The following PRKN variants were observed in gnomAD, a reference collection of about 807,000 sequenced individuals.
The protein encoded by PRKN is parkin RBR E3 ubiquitin protein ligase, also known as E3 ubiquitin-protein ligase parkin.
PRKN carries 56 observed loss-of-function variants against 59.5 expected under a neutral mutation model. The ratio of observed to expected loss-of-function variants is 0.94; its 90% CI spans 0.76 to 1.18. The LOEUF is 1.18. PRKN is among the 50% of genes most tolerant of loss of function. The pLI, the probability that PRKN is intolerant of heterozygous loss-of-function variation, is 0.00. For synonymous variants in PRKN, 250 were observed against 222.1 expected (o/e 1.13, Z -1.12); for missense variants, 657 against 596.4 (o/e 1.10, Z -1.06).
At chr6:162,236,928 A>C (rs1778756211) in intron 3 of PRKN, among the ~76,000 whole-genome samples, 1 of 151,994 alleles carries the variant, frequency 6.6e-6, no homozygotes, top group African/African-American at 2.4e-5. Context: ...GAGAGAAAGA[A>C]GAAAGAAAAG....
chr6:161,797,656 T>C (rs941311363), intron 6 of PRKN, among the ~76,000 whole-genome samples: 3 of 152,216 alleles, frequency 2.0e-5, no homozygotes, highest in Non-Finnish European at 4.4e-5. Flanking sequence ...GAAAAGATTG[T>C]AGACATCTTA....
At chr6:162,325,259 A>G (rs1225050652) in intron 2 of PRKN, among the ~76,000 whole-genome samples, 2 of 152,114 alleles carry the variant, frequency 1.3e-5, no homozygotes, top group Admixed American at 1.3e-4. Context: ...GCTGGTTAAC[A>G]CAAGTTATCG....
At chr6:161,646,160 A>G (rs112012895) in intron 7 of PRKN, among the ~76,000 whole-genome samples, 1 of 56,650 alleles carries the variant, frequency 1.8e-5, no homozygotes, top group East Asian at 4.1e-4. Flanking sequence ...GAGGCGGCGT[A>G]TCAGTGACAG....
intron 1 of PRKN, among the ~76,000 whole-genome samples, chr6:162,525,923 G>A (rs566130254): frequency 5.9e-5 from 9 of 152,136 alleles, no homozygotes; most frequent in Admixed American, 2.6e-4. Flanking sequence ...GTGCAATCAC[G>A]GCCCACTGCA....
At chr6:162,007,709 GA>G (rs200087767) in intron 5 of PRKN, among the ~76,000 whole-genome samples, 11 of 151,776 alleles carry the variant, frequency 7.2e-5, no homozygotes, top group African/African-American at 2.4e-4. Context: ...ATATTGGAAG[GA>G]AAAAAAATAA....
At chr6:161,666,489 A>G (rs576115046) in intron 7 of PRKN, among the ~76,000 whole-genome samples, 4 of 152,286 alleles carry the variant, frequency 2.6e-5, no homozygotes, top group African/African-American at 7.2e-5. Context: ...CCTGGTGCCA[A>G]AAAGGTTAGG....
At chr6:162,451,326 A>G (rs1189925625) in intron 1 of PRKN, among the ~76,000 whole-genome samples, 1 of 151,202 alleles carries the variant, frequency 6.6e-6, no homozygotes, top group Non-Finnish European at 1.5e-5. Flanking sequence ...CTAGGAAACA[A>G]AATTTTAAAG....
intron 7 of PRKN, among the ~76,000 whole-genome samples, chr6:161,668,225 C>A (rs1784789021): frequency 1.3e-5 from 2 of 148,162 alleles, no homozygotes; most frequent in Non-Finnish European, 1.5e-5. Flanking sequence ...AGAAAAAACT[C>A]CCATTAAAAA....
intron 7 of PRKN, among the ~76,000 whole-genome samples, chr6:161,734,113 G>T (rs1787868741): frequency 6.6e-6 from 1 of 151,920 alleles, no homozygotes; most frequent in Non-Finnish European, 1.5e-5. Context: ...TCCAGCCAGT[G>T]AACACACAGA....
At chr6:161,868,225 T>C (rs1488700180) in intron 6 of PRKN, among the ~76,000 whole-genome samples, 1 of 151,754 alleles carries the variant, frequency 6.6e-6, no homozygotes, top group African/African-American at 2.4e-5. Context: ...GTTTTACGTA[T>C]AGTATACACA....
At chr6:161,779,470 A>T in intron 7 of PRKN, among the ~76,000 whole-genome samples, 2 of 4,796 alleles carry the variant, frequency 4.2e-4, no homozygotes, top group Non-Finnish European at 6.8e-4. Context: ...TTTGAGATGG[A>T]GTCTCGCTCT....
chr6:162,645,723 C>T (rs560543957), intron 1 of PRKN, among the ~76,000 whole-genome samples: 1 of 152,228 alleles, frequency 6.6e-6, no homozygotes, highest in South Asian at 2.1e-4. Flanking sequence ...TCGGATATAA[C>T]TGATGAGATT....
At chr6:162,469,160 G>A (rs899827130) in intron 1 of PRKN, among the ~76,000 whole-genome samples, 1 of 152,068 alleles carries the variant, frequency 6.6e-6, no homozygotes, top group African/African-American at 2.4e-5. Context: ...TATTTACAAG[G>A]AAGTAATCAG....
At chr6:162,641,024 T>C (rs1485339773) in intron 1 of PRKN, among the ~76,000 whole-genome samples, 1 of 152,162 alleles carries the variant, frequency 6.6e-6, no homozygotes, top group Non-Finnish European at 1.5e-5. Context: ...GGGTTTCCCC[T>C]GAGAGAGAAG....
chr6:162,070,317 G>A (rs1562494692), intron 4 of PRKN, among the ~76,000 whole-genome samples: 1 of 152,082 alleles, frequency 6.6e-6, no homozygotes, highest in Non-Finnish European at 1.5e-5. Flanking sequence ...CCCTCATTTT[G>A]TAATAGAACA....
chr6:162,685,917 T>C (rs975173873), intron 1 of PRKN, among the ~76,000 whole-genome samples: 1 of 152,052 alleles, frequency 6.6e-6, no homozygotes, highest in African/African-American at 2.4e-5. Context: ...AACGTGTGCA[T>C]TCAATATTAT....
In PRKN at chr6:162,248,230, A is replaced by T. The variant is rs145075237; in HGVS notation, c.412+14295T>A. ...CACAGAAATCTGTTACTAATCGAAC[A>T]TTTTATGGGAAGACCAAGGAGAGTC... On this transcript the variant is annotated intron_variant, in intron 3 of 11. Coordinates refer to ENST00000366898, the MANE Select transcript of PRKN (RefSeq NM_004562.3). Among the ~76,000 whole-genome samples the T allele has an allele frequency of 3.9e-5, 6 of 152,270 alleles. No homozygotes were observed. In the East Asian group the frequency reaches 1.2e-3, roughly 29 times the overall value.
At chr6:162,471,441 A>G (rs1049263054) in intron 1 of PRKN, among the ~76,000 whole-genome samples, 6 of 152,176 alleles carry the variant, frequency 3.9e-5, no homozygotes, top group African/African-American at 1.4e-4. Flanking sequence ...AGATAGAGCC[A>G]TTTGTTACAA....
At chr6:162,258,136 C>A (rs988348935) in intron 3 of PRKN, among the ~76,000 whole-genome samples, 3 of 152,150 alleles carry the variant, frequency 2.0e-5, no homozygotes, top group Non-Finnish European at 2.9e-5. Context: ...ACAGGCCTCG[C>A]GGCTGCTGTA....
Sources: gnomAD v4.1 joint callset for allele counts (sites outside exome capture counted in the v4.1 genomes callset) on GRCh38, gnomAD v4.1.1 for gene constraint, MANE v1.5 for transcripts, NCBI Gene and HGNC (gene_info 2026-07-23, HGNC 2026-07-21) for gene names.